The following CCNK variants were observed in gnomAD, a reference collection of about 807,000 sequenced individuals.
CCNK encodes the protein cyclin K, also known as cyclin-K.
Under a neutral mutation model 65.0 loss-of-function variants are expected in CCNK, and 9 were observed. The ratio of observed to expected loss-of-function variants is 0.14; its 90% CI spans 0.08 to 0.24. The LOEUF is 0.24. Among genes scored for constraint, CCNK ranks in the 10% least tolerant of loss-of-function variants. CCNK has a pLI of 1.00. For missense variants in CCNK, 474 were observed against 720.0 expected (o/e 0.66, Z 3.91); for synonymous variants, 279 against 270.8 (o/e 1.03, Z -0.30).
chr14:99,507,014 T>C, intron 9 of CCNK, 62 bp from the exon 10 acceptor site: 2 of 991,432 alleles, frequency 2.0e-6, no homozygotes, highest in African/African-American at 1.6e-5. Context: ...CATTTTTCTT[T>C]ATGACATGCT....
intron 1 of CCNK, among the ~76,000 whole-genome samples, chr14:99,482,601 CTT>C (rs1361523376): frequency 6.6e-6 from 1 of 152,092 alleles, no homozygotes; most frequent in East Asian, 1.9e-4. Context: ...TTTTTTCCCT[CTT>C]TTATCTCATT....
chr14:99,510,687 G>A lies in CCNK; in HGVS notation c.1648G>A (p.Val550Ile), dbSNP rs374537883. Residue 550 changes from valine (V) to isoleucine (I), a missense_variant, in exon 11 of 11, where the codon GTC becomes ATC. Val to Ile is a conservative substitution (Grantham distance 29). Around this residue, in one of 6 missense-constraint regions of CCNK, gnomAD observed 53 missense variants for 91.4 expected, o/e 0.58. Transcript: ENST00000389879. The stretch of plus-strand genomic sequence containing the variant: ...GCCAGCCAGCTACCCACCTCCTGCC[G>A]TCCCCCCTGGAGGACAGCCTCCTGT... The part of the protein sequence containing the change: ...LPPASYPPPA[V>I]PPGGQPPVPP... 35 of 1,356,878 alleles carry A rather than the reference G, an allele frequency of 2.6e-5. No homozygotes were observed. In the South Asian group the frequency reaches 2.6e-4, roughly 10 times the overall value. The allele number at this position is 1,356,878 out of a possible 1,614,324, so 84.1% of individuals were successfully genotyped here. A position where few individuals can be genotyped will look rare whatever the true frequency, so the allele number is the denominator to read the frequency against.
chr14:99,493,793 C>A (rs1595308784), intron 3 of CCNK, among the ~76,000 whole-genome samples, 198 bp downstream of exon 3: 2 of 152,176 alleles, frequency 1.3e-5, no homozygotes, highest in African/African-American at 4.8e-5. Context: ...TTCACTTAGG[C>A]CAATATGGAC....
In CCNK at chr14:99,502,359, C is replaced by T. The variant is rs762383866; in HGVS notation, c.728C>T (p.Pro243Leu). 6 of 1,613,486 alleles carry T rather than the reference C, an allele frequency of 3.7e-6. No homozygotes were observed. Among genetic ancestry groups the T allele is most frequent in the East Asian group, 2.2e-5 (1 of 44,860 alleles). Residue 243 changes from proline to leucine, a missense_variant, in exon 7 of 11, where the codon CCG (proline) becomes CTG (leucine). Pro to Leu is a moderately conservative substitution (Grantham distance 98). Transcript: ENST00000389879. The stretch of plus-strand genomic sequence containing the variant: ...TGGGAGCAGTTTGTTCAAGATGTCC[C>T]GGTCGACGTTTTGGAAGGTACCAGG... ...RWWEQFVQDV[P>L]VDVLEDICHQ...
At chr14:99,498,368 G>T (rs1007004380) in intron 4 of CCNK, among the ~76,000 whole-genome samples, 1 of 152,124 alleles carries the variant, frequency 6.6e-6, no homozygotes, top group African/African-American at 2.4e-5. Flanking sequence ...TCTCTATCTC[G>T]CGCAGTCTTC....
chr14:99,486,140 C>T (rs1211977487), intron 1 of CCNK, among the ~76,000 whole-genome samples: 1 of 152,064 alleles, frequency 6.6e-6, no homozygotes, highest in Non-Finnish European at 1.5e-5. Flanking sequence ...TTCCTTAGTT[C>T]CTTGTCCTTT....
Position 99,500,804 on chromosome 14 carries a change from C to T in CCNK, c.450C>T (p.Thr150=). ...TTCTGGAGAGAATCTTACTGCAGAC[C>T]ATCAAGTTTGATTTACAGGTAGAAC... is the stretch of plus-strand genomic sequence containing the variant. ...VMVLERILLQ[T]IKFDLQVEHP... Residue 150 remains threonine, a synonymous_variant, in exon 5 of 11, where the codon ACC becomes ACT. Transcript: ENST00000389879. The T allele has an allele frequency of 6.4e-7, 1 of 1,567,368 alleles. No homozygotes were observed. Among genetic ancestry groups the T allele is most frequent in the Non-Finnish European group, 8.7e-7 (1 of 1,154,264 alleles).
At chr14:99,493,778 A>G (rs1452594159) in intron 3 of CCNK, among the ~76,000 whole-genome samples, 183 bp downstream of exon 3, 2 of 152,324 alleles carry the variant, frequency 1.3e-5, no homozygotes, top group South Asian at 4.1e-4. Context: ...CCATGTTCAA[A>G]TCTTTTCACT....
At chr14:99,501,962 C>T in intron 6 of CCNK, 1 of 357,622 alleles carries the variant, frequency 2.8e-6, no homozygotes, top group African/African-American at 2.1e-5. Flanking sequence ...ATTGGTGTAG[C>T]AATTTTTGGA....
chr14:99,493,454 A>T, intron 2 of CCNK, 60 bp from the exon 3 acceptor site: 1 of 1,037,860 alleles, frequency 9.6e-7, no homozygotes, highest in Admixed American at 2.3e-5. Flanking sequence ...GTTTTTCTAC[A>T]TTTAACTAAG....
At chr14:99,506,799 G>T (rs1233082580) in intron 9 of CCNK, 1 of 425,646 alleles carries the variant, frequency 2.3e-6, no homozygotes, top group Non-Finnish European at 4.4e-6. Flanking sequence ...TGGTCGGAAG[G>T]ACTTGAGTGA....
intron 3 of CCNK, chr14:99,494,083 G>A (rs1896649438): frequency 6.5e-6 from 1 of 152,976 alleles, no homozygotes; most frequent in Non-Finnish European, 1.5e-5. Context: ...AAAGAGTTGT[G>A]GCATTCAAGG....
intron 1 of CCNK, among the ~76,000 whole-genome samples, chr14:99,487,618 C>T (rs377427896): frequency 2.6e-5 from 4 of 152,210 alleles, no homozygotes; most frequent in African/African-American, 9.6e-5. Flanking sequence ...ACTGTGTCAT[C>T]GCACAGTCCT....
intron 1 of CCNK, among the ~76,000 whole-genome samples, chr14:99,482,048 T>C (rs533650517): frequency 6.6e-6 from 1 of 152,286 alleles, no homozygotes; most frequent in African/African-American, 2.4e-5. Flanking sequence ...TTTGGTTTGT[T>C]ATGAGAGAAA....
intron 3 of CCNK, chr14:99,493,936 T>A (rs912422552): frequency 5.3e-6 from 1 of 188,900 alleles, no homozygotes; most frequent in Non-Finnish European, 1.1e-5. Flanking sequence ...GCCATATCAC[T>A]CATTCTTCGG....
chr14:99,508,411 G>A (rs1342654342), intron 10 of CCNK: 1 of 152,332 alleles, frequency 6.6e-6, no homozygotes, highest in Admixed American at 6.5e-5. Flanking sequence ...GCACTGAGTA[G>A]CTGCTGTGGA....
intron 7 of CCNK, 115 bp downstream of exon 7, chr14:99,502,491 T>G: frequency 6.3e-6 from 9 of 1,423,552 alleles, no homozygotes; most frequent in Non-Finnish European, 8.4e-6. Flanking sequence ...GAGCAATATT[T>G]CAGAAGCATC....
chr14:99,490,111 G>C (rs1050163166), intron 1 of CCNK, among the ~76,000 whole-genome samples: 3 of 152,108 alleles, frequency 2.0e-5, no homozygotes, highest in Non-Finnish European at 2.9e-5. Context: ...CTTACTAGTG[G>C]GTGGTTTTAA....
At chr14:99,482,161 G>C (rs1896353678) in intron 1 of CCNK, among the ~76,000 whole-genome samples, 1 of 152,218 alleles carries the variant, frequency 6.6e-6, no homozygotes, top group African/African-American at 2.4e-5. Flanking sequence ...AATTTAGACT[G>C]CCAGTTAAAC....
Sources: allele counts gnomAD v4.1 joint callset (sites outside exome capture counted in the v4.1 genomes callset), GRCh38; gene constraint gnomAD v4.1.1; regional missense constraint gnomAD v4.1.1; transcripts MANE v1.5; gene names NCBI Gene and HGNC (gene_info 2026-07-23, HGNC 2026-07-21).